The following CHD2 variants were observed in gnomAD, a reference collection of about 807,000 sequenced individuals.
CHD2 encodes chromodomain helicase DNA binding protein 2, also known as ATP-dependent chromatin remodeler CHD2.
In CHD2, 28 loss-of-function variants were observed where a neutral mutation model predicts 243.9. The ratio of observed to expected loss-of-function variants is 0.11; its 90% CI spans 0.09 to 0.16. CHD2 has a LOEUF of 0.16. Ranked by LOEUF, CHD2 falls within the 10% of genes least tolerant of loss-of-function variation. The pLI is 1.00. For missense variants in CHD2, 1,386 were observed against 2,209.8 expected (o/e 0.63, Z 7.47); for synonymous variants, 775 against 779.0 (o/e 0.99, Z 0.09).
intron 13 of CHD2, 81 bp from the exon 14 acceptor site, chr15:92,953,276 G>T: frequency 9.3e-7 from 1 of 1,074,096 alleles, no homozygotes; most frequent in Non-Finnish European, 1.4e-6. Flanking sequence ...GTGAAGCATT[G>T]GTGTCGTTGC....
intron 17 of CHD2, among the ~76,000 whole-genome samples, chr15:92,970,902 A>G (rs1362266448): frequency 6.6e-6 from 1 of 152,186 alleles, no homozygotes; most frequent in East Asian, 1.9e-4. Flanking sequence ...ATGTACTTTT[A>G]CTATTTTGGA....
chr15:92,936,531 C>T (rs572833034), intron 5 of CHD2, among the ~76,000 whole-genome samples: 6 of 152,228 alleles, frequency 3.9e-5, no homozygotes, highest in South Asian at 2.1e-4. Flanking sequence ...GATAGTAGGA[C>T]GCCTGTAGGT....
chr15:93,024,781 T>G lies in CHD2; in HGVS notation c.*76T>G. Reference sequence around the variant, plus strand: ...TTGGTCTGATCCTACAGTAGCCGGTTATCTAGACCAGTAAGTGGAGTTTTG... The same window carrying G: ...TTGGTCTGATCCTACAGTAGCCGGTGATCTAGACCAGTAAGTGGAGTTTTG... On this transcript the variant is annotated 3_prime_UTR_variant, in exon 39 of 39. Transcript: ENST00000394196. 3.2e-6 allele frequency: 4 copies of G among 1,257,434 alleles called. No individual in the cohort carries two copies. The highest frequency in any genetic ancestry group is 4.4e-6 in the Non-Finnish European group (4 of 904,734). 77.9% of individuals were successfully genotyped at this position (1,257,434 alleles called of 1,614,324 possible).
rs143566234 is a variant in CHD2 at position 92,933,751 on chromosome 15, G to A, written c.444-3767G>A. 9.9e-3 allele frequency among the ~76,000 whole-genome samples: 1,500 copies of A among 152,198 alleles called. 29 individuals carry two copies. Among genetic ancestry groups the A allele is most frequent in the African/African-American group, 0.035 (1,438 of 41,524 alleles). Reference sequence around the variant, plus strand: ...CTCCTGAGTAGTTGGGACTGCAGGCGCACACCACCACACCAAGCTAATTTC... The same window carrying A: ...CTCCTGAGTAGTTGGGACTGCAGGCACACACCACCACACCAAGCTAATTTC... On this transcript the variant is annotated intron_variant, in intron 5 of 38. Coordinates refer to ENST00000394196, the MANE Select transcript of CHD2 (RefSeq NM_001271.4).
chr15:92,980,664 A>C, intron 22 of CHD2, 151 bp from the exon 23 acceptor site: 1 of 602,062 alleles, frequency 1.7e-6, no homozygotes. Context: ...TCCTGTAGAT[A>C]GAAAATGCGA....
At chr15:92,977,721 T>G (rs908167053) in intron 20 of CHD2, among the ~76,000 whole-genome samples, 1 of 152,220 alleles carries the variant, frequency 6.6e-6, no homozygotes, top group African/African-American at 2.4e-5. Context: ...TTGAGGATCC[T>G]GTGGTTCTCA....
At chr15:92,966,875 A>G (rs1379660551) in intron 16 of CHD2, among the ~76,000 whole-genome samples, 1 of 148,676 alleles carries the variant, frequency 6.7e-6, no homozygotes, top group African/African-American at 2.5e-5. Flanking sequence ...GTGCCACTGC[A>G]TTCCAGCCTG....
At chr15:92,971,182 T>A (rs891594293) in intron 17 of CHD2, among the ~76,000 whole-genome samples, 3 of 152,208 alleles carry the variant, frequency 2.0e-5, no homozygotes, top group Admixed American at 1.3e-4. Context: ...GAGTCTCTTA[T>A]CAAAAATGCT....
At chr15:92,949,353 CTCATG>C in intron 13 of CHD2, 3 of 625,368 alleles carry the variant, frequency 4.8e-6, no homozygotes, top group Non-Finnish European at 6.8e-6. Flanking sequence ...TCATATGTTA[CTCATG>C]AGTGTATATA....
intron 2 of CHD2, chr15:92,904,929 G>T: frequency 1.3e-6 from 2 of 1,536,014 alleles, no homozygotes; most frequent in Non-Finnish European, 1.7e-6. Flanking sequence ...ACAAAGGGAA[G>T]ATTATTTGAA....
chr15:92,946,975 G>A (rs999471175), intron 12 of CHD2: 7 of 151,888 alleles, frequency 4.6e-5, no homozygotes, highest in South Asian at 2.1e-4. Context: ...TAGAAAAGGC[G>A]AGTGTCTTTG....
chr15:93,009,378 TTC>T lies in CHD2; in HGVS notation c.4592+57_4592+58del, dbSNP rs2054362038. ...TGATTTGACTGAGTGTGGGAGTGGA[TTC>T]TGTTTTCTTTTAATAAAAGGTGGCA... On this transcript the variant is annotated intron_variant, in intron 35 of 38. Coordinates refer to ENST00000394196, the MANE Select transcript of CHD2 (RefSeq NM_001271.4). 2.0e-6 allele frequency: 3 copies of T among 1,524,790 alleles called. No individual in the cohort carries two copies. In the South Asian group the frequency reaches 3.7e-5, roughly 19 times the overall value. The allele number at this position is 1,524,790 out of a possible 1,614,324, so 94.5% of individuals were successfully genotyped here.
intron 33 of CHD2, among the ~76,000 whole-genome samples, 191 bp downstream of exon 33, chr15:93,002,508 G>C (rs2054270143): frequency 6.6e-6 from 1 of 152,152 alleles, no homozygotes; most frequent in Non-Finnish European, 1.5e-5. Flanking sequence ...TGCAAGTTTG[G>C]GGTGTTCTTT....
chr15:93,002,512 G>A (rs1456883257), intron 33 of CHD2, among the ~76,000 whole-genome samples, 195 bp downstream of exon 33: 1 of 152,152 alleles, frequency 6.6e-6, no homozygotes, highest in Non-Finnish European at 1.5e-5. Flanking sequence ...AGTTTGGGGT[G>A]TTCTTTAAAA....
At chr15:92,934,511 C>G (rs181188929) in intron 5 of CHD2, among the ~76,000 whole-genome samples, 1 of 152,280 alleles carries the variant, frequency 6.6e-6, no homozygotes. Context: ...ATATCTTAAA[C>G]TATTCTTTAT....
At chr15:92,928,826 A>G (rs530980720) in intron 4 of CHD2, among the ~76,000 whole-genome samples, 12 of 152,338 alleles carry the variant, frequency 7.9e-5, no homozygotes, top group African/African-American at 2.6e-4. Context: ...GGCTTTAGAG[A>G]TAACTCAGTG....
chr15:92,929,486 A>C (rs1483983375), intron 5 of CHD2, among the ~76,000 whole-genome samples: 1 of 152,212 alleles, frequency 6.6e-6, no homozygotes, highest in African/African-American at 2.4e-5. Flanking sequence ...ATATTGGCTG[A>C]ACATCCATTT....
chr15:92,988,062 C>G (rs2054067481), intron 26 of CHD2, among the ~76,000 whole-genome samples: 2 of 151,476 alleles, frequency 1.3e-5, no homozygotes, highest in African/African-American at 2.4e-5. Context: ...ATAATTCATA[C>G]TTTATATAGT....
At chr15:92,939,274 A>C (rs2053318937) in intron 6 of CHD2, among the ~76,000 whole-genome samples, 1 of 152,228 alleles carries the variant, frequency 6.6e-6, no homozygotes, top group Admixed American at 6.5e-5. Flanking sequence ...TACTATCATG[A>C]ACAACATGCT....
Sources: gnomAD v4.1 joint callset for allele counts (sites outside exome capture counted in the v4.1 genomes callset) on GRCh38, gnomAD v4.1.1 for gene constraint, MANE v1.5 for transcripts, NCBI Gene and HGNC (gene_info 2026-07-23, HGNC 2026-07-21) for gene names.